The following EVI5 variants were observed in gnomAD, a reference collection of about 807,000 sequenced individuals.
EVI5 encodes ecotropic viral integration site 5.
EVI5 carries 73 observed loss-of-function variants against 112.0 expected under a neutral mutation model. The ratio of observed to expected loss-of-function variants is 0.65; its 90% CI spans 0.54 to 0.79. The LOEUF (loss-of-function observed/expected upper bound fraction) is 0.79. Among genes scored for constraint, EVI5 ranks in the 30% least tolerant of loss-of-function variants. The pLI is 0.00. For missense variants in EVI5, 900 were observed against 968.8 expected (o/e 0.93, Z 0.94); for synonymous variants, 305 against 319.9 (o/e 0.95, Z 0.50).
intron 18 of EVI5, among the ~76,000 whole-genome samples, chr1:92,603,973 G>C (rs1649780019): frequency 6.6e-6 from 1 of 151,914 alleles, no homozygotes; most frequent in South Asian, 2.1e-4. Context: ...TTGGGCTCAA[G>C]ATCTGCCTGC....
chr1:92,537,385 T>C lies in EVI5; in HGVS notation c.2167-23415A>G, dbSNP rs527607567. ...GCATTTCTGTAAGTGATATGTAATA[T>C]ATACAATTTTAAATAACAATGTATT... On this transcript the variant is annotated intron_variant, in intron 19 of 19. Coordinates refer to ENST00000684568, the MANE Select transcript of EVI5 (RefSeq NM_001350197.2). 2.0e-5 allele frequency among the ~76,000 whole-genome samples: 3 copies of C among 152,318 alleles called. No homozygotes were observed. The East Asian group carries it at 5.8e-4, about 29-fold the overall frequency.
chr1:92,744,943 T>A (rs1679037224), intron 1 of EVI5, among the ~76,000 whole-genome samples: 1 of 152,040 alleles, frequency 6.6e-6, no homozygotes, highest in Non-Finnish European at 1.5e-5. Context: ...GGAATCGTTT[T>A]TCTCTTTTTT....
intron 1 of EVI5, among the ~76,000 whole-genome samples, chr1:92,759,908 AT>A (rs1681559670): frequency 7.2e-6 from 1 of 139,306 alleles, no homozygotes; most frequent in Non-Finnish European, 1.5e-5. Context: ...GCTGAGGAAC[AT>A]TTGGGTTATT....
intron 9 of EVI5, among the ~76,000 whole-genome samples, chr1:92,678,958 T>C (rs1307925401): frequency 1.3e-5 from 2 of 152,048 alleles, no homozygotes; most frequent in Non-Finnish European, 1.5e-5. Context: ...CTCACTAAAG[T>C]GTATCTTAAA....
chr1:92,630,452 T>A (rs1236548562), intron 14 of EVI5, among the ~76,000 whole-genome samples: 1 of 152,266 alleles, frequency 6.6e-6, no homozygotes, highest in Admixed American at 6.5e-5. Context: ...GTCTTTTGGC[T>A]GCATAAGTGT....
intron 18 of EVI5, among the ~76,000 whole-genome samples, chr1:92,571,647 C>G (rs1277887695): frequency 6.6e-6 from 1 of 152,118 alleles, no homozygotes; most frequent in Non-Finnish European, 1.5e-5. Context: ...AAGTGGGTAT[C>G]AATTTAATTT....
At chr1:92,631,354 A>T (rs77506860) in intron 14 of EVI5, among the ~76,000 whole-genome samples, 139,670 of 151,638 alleles carry the variant, frequency 0.92, 64,406 homozygotes, top group East Asian at 0.97. Context: ...CTTTTATTTC[A>T]TTGAGCAGTG....
At chr1:92,675,724 A>G (rs11164793) in intron 10 of EVI5, among the ~76,000 whole-genome samples, 2,671 of 152,254 alleles carry the variant, frequency 0.018, 91 homozygotes, top group African/African-American at 0.061. Context: ...TGGGAGGCTA[A>G]GGCAGGTGGA....
rs545915504 is a variant in EVI5 at position 92,718,702 on chromosome 1, C to T, written c.150-13958G>A. ...AGAAATAACTAAGAACAGAGCAGAA[C>T]TGAAGGAGATAGAGACACAAAAAAC... On this transcript the variant is annotated intron_variant, in intron 2 of 19. Coordinates refer to ENST00000684568, the MANE Select transcript of EVI5 (RefSeq NM_001350197.2). Among the ~76,000 whole-genome samples the T allele has an allele frequency of 7.2e-5, 11 of 152,152 alleles. No homozygotes were observed. In the South Asian group the frequency reaches 2.1e-3, roughly 29 times the overall value.
chr1:92,685,211 G>A (rs1412141172), intron 9 of EVI5, among the ~76,000 whole-genome samples: 3 of 152,198 alleles, frequency 2.0e-5, no homozygotes, highest in Admixed American at 1.3e-4. Context: ...CGGTCTCTCA[G>A]ACAACAGTGC....
At chr1:92,728,412 G>A (rs937520917) in intron 2 of EVI5, among the ~76,000 whole-genome samples, 8 of 143,960 alleles carry the variant, frequency 5.6e-5, no homozygotes, top group Middle Eastern at 3.4e-3. Flanking sequence ...ACAAAGTCTC[G>A]CTCTGTCGCC....
chr1:92,538,161 A>G (rs1664202403), intron 19 of EVI5, among the ~76,000 whole-genome samples: 1 of 152,220 alleles, frequency 6.6e-6, no homozygotes, highest in South Asian at 2.1e-4. Flanking sequence ...TGAAACTGCC[A>G]CTGAATGTCT....
chr1:92,700,701 A>G (rs1268548854), intron 5 of EVI5: 1 of 152,098 alleles, frequency 6.6e-6, no homozygotes, highest in South Asian at 2.1e-4. Context: ...GCAGAGAAAA[A>G]CTGCTCTTTA....
At position 92,703,619 on chromosome 1, in the gene EVI5, C is replaced by T; in HGVS notation, c.340G>A (p.Glu114Lys). The T allele has an allele frequency of 6.5e-7, 1 of 1,541,106 alleles. No homozygotes were observed. The change falls in exon 4 of 20, where the codon GAA (glutamate) becomes AAA (lysine). Residue 114 changes from glutamate (E) to lysine (K), a missense_variant and splice_region_variant. Transcript: ENST00000684568. ...TGGGGTATCCCTTTATGAACAAGTTCCTAAAAATAAAATAAAATTACAAAA... is the reference window on the plus strand; with the variant it reads ...TGGGGTATCCCTTTATGAACAAGTTTCTAAAAATAAAATAAAATTACAAAA... ...VRKKKEKQVK[E>K]LVHKGIPHHF...
chr1:92,631,111 T>C (rs1362275071), intron 14 of EVI5, among the ~76,000 whole-genome samples: 6 of 152,140 alleles, frequency 3.9e-5, no homozygotes, highest in East Asian at 1.9e-4. Flanking sequence ...AGTCAGGTAG[T>C]GTGATGCCTC....
chr1:92,550,572 C>A (rs1475456016), intron 19 of EVI5, among the ~76,000 whole-genome samples: 1 of 146,962 alleles, frequency 6.8e-6, no homozygotes, highest in Non-Finnish European at 1.5e-5. Flanking sequence ...ACAGTGAAAC[C>A]CCGTCTCTAC....
intron 1 of EVI5, among the ~76,000 whole-genome samples, chr1:92,770,654 G>C (rs1452916387): frequency 6.6e-6 from 1 of 151,754 alleles, no homozygotes; most frequent in African/African-American, 2.4e-5. Flanking sequence ...GCCGGGCGTG[G>C]TGGCAGGTGC....
At position 92,544,574 on chromosome 1, in the gene EVI5, G is replaced by T. The variant is rs187575920; in HGVS notation, c.2166+19068C>A. Among the ~76,000 whole-genome samples, 1,334 of 152,264 alleles carry T rather than the reference G, an allele frequency of 8.8e-3. 12 individuals carry two copies. The highest frequency in any genetic ancestry group is 0.012 in the Non-Finnish European group (813 of 68,014). Reference sequence around the variant, plus strand: ...TTCATTTAAAATTTAAAATGAAGTTGTAGGAAAATATTTGCAATAAAAAGT... The same window carrying T: ...TTCATTTAAAATTTAAAATGAAGTTTTAGGAAAATATTTGCAATAAAAAGT... On this transcript the variant is annotated intron_variant, in intron 19 of 19. Coordinates refer to ENST00000684568, the MANE Select transcript of EVI5 (RefSeq NM_001350197.2).
chr1:92,563,796 C>G (rs1309008777), intron 18 of EVI5, 59 bp from the exon 19 acceptor site: 1 of 967,716 alleles, frequency 1.0e-6, no homozygotes, highest in East Asian at 2.4e-5. Flanking sequence ...AGCATGTACT[C>G]AAATAGTTCA....
Sources: gnomAD v4.1 joint callset for allele counts (sites outside exome capture counted in the v4.1 genomes callset) on GRCh38, gnomAD v4.1.1 for gene constraint, MANE v1.5 for transcripts, NCBI Gene and HGNC (gene_info 2026-07-23, HGNC 2026-07-21) for gene names.